Variants in SCARB1 observed in about 807,000 individuals in gnomAD.
The protein encoded by SCARB1 is CD36 and LIMPII analogous 1.
In SCARB1, 30 loss-of-function variants were observed where a neutral mutation model predicts 57.2. The observed-to-expected ratio is 0.52, with a 90% CI of 0.39 to 0.71. The LOEUF is 0.71. Ranked by LOEUF, SCARB1 falls within the 30% of genes least tolerant of loss-of-function variation. The probability of loss-of-function intolerance (pLI) is 0.00; values close to 1 mark genes in which losing one functional copy is unlikely to be tolerated. For synonymous variants in SCARB1, 249 were observed against 268.3 expected (o/e 0.93, Z 0.70); for missense variants, 543 against 671.2 (o/e 0.81, Z 2.11).
intron 1 of SCARB1, among the ~76,000 whole-genome samples, chr12:124,827,026 G>T (rs1043266351): frequency 6.6e-6 from 1 of 152,116 alleles, no homozygotes; most frequent in Non-Finnish European, 1.5e-5. Flanking sequence ...AATAACATAC[G>T]AGCCACCGTC....
intron 6 of SCARB1, among the ~76,000 whole-genome samples, chr12:124,808,805 A>G (rs1294758402): frequency 6.6e-6 from 1 of 152,066 alleles, no homozygotes; most frequent in African/African-American, 2.4e-5. Flanking sequence ...TATAAAATAC[A>G]TTCCAGATTT....
At chr12:124,779,092 G>A (rs756959947) in intron 12 of SCARB1, among the ~76,000 whole-genome samples, 10 of 152,038 alleles carry the variant, frequency 6.6e-5, no homozygotes, top group Non-Finnish European at 1.3e-4. Flanking sequence ...CCGGGACAAT[G>A]ACACGTGCCA....
At chr12:124,833,972 G>C (rs1447892712) in intron 1 of SCARB1, among the ~76,000 whole-genome samples, 5 of 152,262 alleles carry the variant, frequency 3.3e-5, no homozygotes, top group Non-Finnish European at 7.3e-5. Flanking sequence ...GATCTGAAAA[G>C]CAAGCCCTCT....
Position 124,839,731 on chromosome 12 carries a change from A to G in SCARB1, c.127-22024T>C, listed in dbSNP as rs1269911056. 2.7e-4 allele frequency: 19 copies of G among 70,550 alleles called. 1 individual carries two copies. The highest frequency in any genetic ancestry group is 1.1e-3 in the African/African-American group (17 of 15,638). 4.4% of individuals were successfully genotyped at this position (70,550 alleles called of 1,614,324 possible). ...CCGATTTCTCCGCACCCTCACCCCA[A>G]CGGCACACATGGGCCCCGATTTCTC... On this transcript the variant is annotated intron_variant, in intron 1 of 12. Transcript: ENST00000261693.
At position 124,810,082 on chromosome 12, in the gene SCARB1, G is replaced by A; in HGVS notation, c.842+92C>T. The A allele has an allele frequency of 1.2e-6, 1 of 814,148 alleles. No individual in the cohort carries two copies. Among genetic ancestry groups the A allele is most frequent in the Non-Finnish European group, 2.1e-6 (1 of 476,612 alleles). 50.4% of individuals were successfully genotyped at this position (814,148 alleles called of 1,614,324 possible). A position where few individuals can be genotyped will look rare whatever the true frequency, so the allele number is the denominator to read the frequency against. ...GGCTACTGAGTCAAATCCACGATGA[G>A]TCAAAATGCTTTCCAAGTGCACAGC... On this transcript the variant is annotated intron_variant, in intron 6 of 12. Transcript: ENST00000261693. This position sits in a 1 kb window ranked among gnomAD's most constrained non-coding sequence, Gnocchi z 4.0.
intron 1 of SCARB1, among the ~76,000 whole-genome samples, chr12:124,838,232 G>A (rs910304210): frequency 2.6e-5 from 4 of 152,228 alleles, no homozygotes; most frequent in South Asian, 2.1e-4. Flanking sequence ...GGGTGAGGCC[G>A]GATCTGGCCA....
At chr12:124,795,050 G>T (rs925836104) in intron 9 of SCARB1, 145 bp downstream of exon 9, 4 of 749,786 alleles carry the variant, frequency 5.3e-6, no homozygotes, top group African/African-American at 3.4e-5. Context: ...AGATCAGCAG[G>T]GACTGGATTC....
At chr12:124,804,448 T>C (rs140371680) in intron 7 of SCARB1, among the ~76,000 whole-genome samples, 53 of 152,310 alleles carry the variant, frequency 3.5e-4, no homozygotes, top group Non-Finnish European at 5.3e-4. Flanking sequence ...TGCCCTGGAA[T>C]TTTTCATTAC....
rs373635532 is a variant in SCARB1, at chr12:124,812,657, T to C, written c.631-692A>G. 2.0e-5 allele frequency among the ~76,000 whole-genome samples: 3 copies of C among 152,188 alleles called. No homozygotes were observed. The highest frequency in any genetic ancestry group is 6.5e-5 in the Admixed American group (1 of 15,278). On this transcript the variant is annotated intron_variant, in intron 4 of 12. Transcript: ENST00000261693. The surrounding 1 kb of genome is among the most constrained non-coding windows in gnomAD (Gnocchi z 4.3). ...AAGCTGGTTTCTAATCCCAAAGACA[T>C]GCAAAGCACAAAGTGGTATGAGTGA... is the stretch of plus-strand genomic sequence containing the variant.
chr12:124,786,007 C>A, intron 11 of SCARB1: 1 of 1,445,086 alleles, frequency 6.9e-7, no homozygotes, highest in Non-Finnish European at 9.2e-7. Flanking sequence ...GTCTCCTCTA[C>A]TGCTGTACGT....
At chr12:124,835,326 C>T (rs903772332) in intron 1 of SCARB1, among the ~76,000 whole-genome samples, 10 of 151,730 alleles carry the variant, frequency 6.6e-5, no homozygotes, top group African/African-American at 1.2e-4. Flanking sequence ...TGGTGCAGTC[C>T]GAGCTCACTG....
At chr12:124,862,878 T>C (rs1952957694) in intron 1 of SCARB1, among the ~76,000 whole-genome samples, 1 of 152,188 alleles carries the variant, frequency 6.6e-6, no homozygotes, top group South Asian at 2.1e-4. Context: ...GTATGCAAAG[T>C]TAGGATCAGA....
Position 124,815,057 on chromosome 12 carries a change from G to A in SCARB1, c.342C>T (p.Leu114=), listed in dbSNP as rs372586426. The A allele has an allele frequency of 3.0e-5, 49 of 1,614,184 alleles. No individual in the cohort carries two copies. The highest frequency in any genetic ancestry group is 1.9e-4 in the African/African-American group (14 of 75,060). The change falls in exon 3 of 13, where the codon CTC becomes CTT. Residue 114 remains leucine, a synonymous_variant. Transcript: ENST00000261693. ...GCTGGAACTGGAAGGTGCGGTACTC[G>A]AGGAAGGACACGGTGTCGTTGTTGT... ...TFNNNDTVSF[L]EYRTFQFQPS...
chr12:124,856,923 G>A (rs1388253103), intron 1 of SCARB1, among the ~76,000 whole-genome samples: 1 of 152,228 alleles, frequency 6.6e-6, no homozygotes, highest in African/African-American at 2.4e-5. Flanking sequence ...CCCCCGGAAG[G>A]GAGAGGCCAG....
chr12:124,840,914 A>ATCCC (rs1362217560), intron 1 of SCARB1, among the ~76,000 whole-genome samples: 2 of 151,802 alleles, frequency 1.3e-5, no homozygotes, highest in East Asian at 3.9e-4. Context: ...CACACCTGTA[A>ATCCC]TCCCAGCCCT....
rs1182616085 is a variant in SCARB1, at chr12:124,817,214, C to T, written c.284+336G>A. ...CCCAGACGCACACCATTGGTCCCTC[C>T]CTGCTCCATAAAGAACCTCTCTAGG... On this transcript the variant is annotated intron_variant, in intron 2 of 12. Transcript: ENST00000261693. This position sits in a 1 kb window ranked among gnomAD's most constrained non-coding sequence, Gnocchi z 4.8. 6.6e-6 allele frequency among the ~76,000 whole-genome samples: 1 copy of T among 151,740 alleles called. No homozygotes were observed. Among genetic ancestry groups the T allele is most frequent in the Non-Finnish European group, 1.5e-5 (1 of 67,930 alleles).
Position 124,800,168 on chromosome 12 carries a change from G to T in SCARB1, c.1084C>A (p.His362Asn). 1 of 1,614,040 alleles carries T rather than the reference G, an allele frequency of 6.2e-7. No homozygotes were observed. Among genetic ancestry groups the T allele is most frequent in the Non-Finnish European group, 8.5e-7 (1 of 1,179,952 alleles). ...PVLAEAVTGL[H>N]PNQEAHSLFL... Reference sequence around the variant, plus strand: ...AAGGAGTGTGCCTCCTGGTTAGGGTGCAGGCCAGTCACCGCTTCTGCCAGA... The same window carrying T: ...AAGGAGTGTGCCTCCTGGTTAGGGTTCAGGCCAGTCACCGCTTCTGCCAGA... The change falls in exon 8 of 13, where the codon CAC becomes AAC. Residue 362 changes from histidine to asparagine, a missense_variant. His to Asn is a moderately conservative substitution (Grantham distance 68). Coordinates refer to ENST00000261693, the MANE Select transcript of SCARB1 (RefSeq NM_005505.5). This position sits in a 1 kb window ranked among gnomAD's most constrained non-coding sequence, Gnocchi z 4.8.
At chr12:124,852,988 G>A (rs1031768535) in intron 1 of SCARB1, among the ~76,000 whole-genome samples, 3 of 152,320 alleles carry the variant, frequency 2.0e-5, no homozygotes, top group East Asian at 1.9e-4. Context: ...GCAGTGAGCC[G>A]AGATGGGGCC....
At position 124,809,473 on chromosome 12, in the gene SCARB1, C is replaced by T. The variant is rs370290407; in HGVS notation, c.842+701G>A. ...AACTTAAAATAGTAAAAAGTGGCCA[C>T]ACAGAGCAAAAGCACTGTCACTCTC... is the stretch of plus-strand genomic sequence containing the variant. On this transcript the variant is annotated intron_variant, in intron 6 of 12. Coordinates refer to ENST00000261693, the MANE Select transcript of SCARB1 (RefSeq NM_005505.5). Among the ~76,000 whole-genome samples, 309 of 152,220 alleles carry T rather than the reference C, an allele frequency of 2.0e-3. 3 individuals carry two copies. Among genetic ancestry groups the T allele is most frequent in the Middle Eastern group, 0.017 (5 of 294 alleles).
Sources: gnomAD v4.1 joint callset for allele counts (sites outside exome capture counted in the v4.1 genomes callset) on GRCh38, gnomAD v4.1.1 for gene constraint, Gnocchi (gnomAD v3.1) non-coding constraint, MANE v1.5 for transcripts, NCBI Gene and HGNC (gene_info 2026-07-23, HGNC 2026-07-21) for gene names.